HYAL4: variants seen among roughly 807,000 people sequenced by gnomAD.
The protein encoded by HYAL4 is hyaluronidase-4.
In HYAL4, 37 loss-of-function variants were observed where a neutral mutation model predicts 35.2. That is an observed-to-expected ratio of 1.05 (90% CI 0.81 to 1.38). The LOEUF is 1.38. Among genes scored for constraint, HYAL4 ranks in the 40% most tolerant of loss-of-function variants. The pLI, the probability that HYAL4 is intolerant of heterozygous loss-of-function variation, is 0.00. For synonymous variants in HYAL4, 198 were observed against 203.2 expected, an observed-to-expected ratio of 0.97 and a Z score of 0.22; for missense variants, 572 against 572.4, an observed-to-expected ratio of 1.00 and a Z score of 0.01.
the HYAL4 span, among the ~76,000 whole-genome samples, chr7:123,809,393 C>CTTCT: frequency 1.5e-5 from 2 of 129,576 alleles, no homozygotes; most frequent in Non-Finnish European, 3.4e-5. Context: ...TTTTCTTCTT[C>CTTCT]TTTTTTTTTT....
chr7:123,810,677 C>A, the HYAL4 span, among the ~76,000 whole-genome samples: 2 of 152,154 alleles, frequency 1.3e-5, no homozygotes, highest in African/African-American at 2.4e-5. Context: ...TTCTTATTAT[C>A]CAATGCCTAT....
At chr7:123,769,734 G>A in the HYAL4 span, among the ~76,000 whole-genome samples, 1 of 151,626 alleles carries the variant, frequency 6.6e-6, no homozygotes, top group Non-Finnish European at 1.5e-5. Flanking sequence ...TGCAAACATC[G>A]GTCTGCTCTA....
At chr7:123,838,115 A>C (rs1480872307) in intron 1 of HYAL4, among the ~76,000 whole-genome samples, 1 of 152,086 alleles carries the variant, frequency 6.6e-6, no homozygotes, top group Non-Finnish European at 1.5e-5. Context: ...CAATGGTTGA[A>C]CTAGTTTACA....
chr7:123,866,041 T>G (rs1034911362), intron 2 of HYAL4, among the ~76,000 whole-genome samples: 1 of 152,166 alleles, frequency 6.6e-6, no homozygotes, highest in Non-Finnish European at 1.5e-5. Flanking sequence ...ATCTCGCCCT[T>G]GTGATACAAT....
chr7:123,778,159 G>GTCTGTCTGTCTATCTATCTA, the HYAL4 span, among the ~76,000 whole-genome samples: 2 of 120,824 alleles, frequency 1.7e-5, no homozygotes, highest in African/African-American at 5.5e-5. Flanking sequence ...CTGTCTGTCT[G>GTCTGTCTGTCTATCTATCTA]TCTATCTATC....
upstream of HYAL4, among the ~76,000 whole-genome samples, chr7:123,841,423 C>A (rs1171137225): frequency 6.6e-6 from 1 of 152,030 alleles, no homozygotes; most frequent in Non-Finnish European, 1.5e-5. Flanking sequence ...CATCAATTTT[C>A]ATCAGGGATA....
chr7:123,794,475 C>T, the HYAL4 span, among the ~76,000 whole-genome samples: 3 of 152,164 alleles, frequency 2.0e-5, no homozygotes. Context: ...AAATTGTTTC[C>T]TGGGCCAGGC....
Position 123,877,036 on chromosome 7 carries a change from G to A in HYAL4, c.1327G>A (p.Gly443Arg), listed in dbSNP as rs1209361960. The A allele has an allele frequency of 1.9e-6, 3 of 1,614,202 alleles. No individual in the cohort carries two copies. Among genetic ancestry groups the A allele is most frequent in the Non-Finnish European group, 2.5e-6 (3 of 1,180,024 alleles). The stretch of plus-strand genomic sequence containing the variant: ...CTGTCATTGTTATCAGGGATATGAA[G>A]GAGCTGATTGCAGAGAAATAAAGAC... ...FSCHCYQGYEGADCREIKTAD... is the reference protein window; with the variant it reads ...FSCHCYQGYERADCREIKTAD... Residue 443 changes from glycine to arginine, a missense_variant, in exon 5 of 5, where the codon GGA becomes AGA. Coordinates refer to ENST00000223026, the MANE Select transcript of HYAL4 (RefSeq NM_012269.3).
At chr7:123,813,120 TTAAA>T in the HYAL4 span, among the ~76,000 whole-genome samples, 5 of 152,082 alleles carry the variant, frequency 3.3e-5, no homozygotes, top group Non-Finnish European at 7.4e-5. Flanking sequence ...ATTTAGTACG[TTAAA>T]TAAAGACACC....
the HYAL4 span, among the ~76,000 whole-genome samples, chr7:123,766,737 A>G: frequency 6.6e-6 from 1 of 152,198 alleles, no homozygotes. Context: ...GCCTGCAGAG[A>G]ATAAATGGGT....
At chr7:123,777,729 G>A in the HYAL4 span, among the ~76,000 whole-genome samples, 32 of 152,024 alleles carry the variant, frequency 2.1e-4, no homozygotes, top group African/African-American at 7.2e-4. Flanking sequence ...CTTTTAGATG[G>A]TGTCCTAGAT....
In HYAL4 at chr7:123,869,212, A is replaced by G. The variant is rs1563004136; in HGVS notation, c.939A>G (p.Leu313=). Residue 313 remains leucine (L), a synonymous_variant, in exon 3 of 5, where the codon TTA becomes TTG. Transcript: ENST00000223026. ...YTRLGYRDEP[L]FFLSKQDLVS... is the part of the protein sequence containing the mutation. ...GGCTAGGGTACAGAGATGAACCTTT[A>G]TTTTTCCTTTCTAAGGTAAGAAGCT... is the stretch of plus-strand genomic sequence containing the variant. 1 of 1,595,680 alleles carries G rather than the reference A, an allele frequency of 6.3e-7. No individual in the cohort carries two copies. The highest frequency in any genetic ancestry group is 1.3e-5 in the African/African-American group (1 of 74,226).
the HYAL4 span, among the ~76,000 whole-genome samples, chr7:123,804,492 T>G: frequency 2.6e-5 from 4 of 152,210 alleles, no homozygotes; most frequent in African/African-American, 9.7e-5. Context: ...TGTCTATCTT[T>G]TTCTGTATTT....
At chr7:123,874,490 G>A (rs376239909) in intron 3 of HYAL4, among the ~76,000 whole-genome samples, 1 of 151,920 alleles carries the variant, frequency 6.6e-6, no homozygotes, top group Admixed American at 6.6e-5. Flanking sequence ...TGCAACCTCC[G>A]TCTCCTGGGT....
chr7:123,767,444 T>C, the HYAL4 span, among the ~76,000 whole-genome samples: 3 of 152,226 alleles, frequency 2.0e-5, no homozygotes, highest in African/African-American at 7.2e-5. Context: ...TCTCAGTCTT[T>C]TATTCTTCAT....
chr7:123,773,578 G>T, the HYAL4 span, among the ~76,000 whole-genome samples: 2 of 152,106 alleles, frequency 1.3e-5, no homozygotes, highest in Admixed American at 6.5e-5. Context: ...TTTACATAAT[G>T]TATATTTTTT....
At chr7:123,875,218 A>G (rs1326975203) in intron 4 of HYAL4, among the ~76,000 whole-genome samples, 1 of 152,228 alleles carries the variant, frequency 6.6e-6, no homozygotes, top group Non-Finnish European at 1.5e-5. Flanking sequence ...GGCATTAGCC[A>G]CAGTTTGATG....
upstream of HYAL4, among the ~76,000 whole-genome samples, chr7:123,828,380 C>T (rs922535889): frequency 3.3e-5 from 5 of 149,674 alleles, no homozygotes; most frequent in Non-Finnish European, 4.5e-5. Context: ...ATTATATATA[C>T]GTAAATGTTT....
In HYAL4 at chr7:123,869,038, T is replaced by C; in HGVS notation, c.765T>C (p.Ser255=). ...NNELSWLWNS[S]AALYPSIGVW... The stretch of plus-strand genomic sequence containing the variant: ...AGCTCTCTTGGCTCTGGAACAGCAG[T>C]GCTGCTTTATATCCTTCTATCGGTG... The change falls in exon 3 of 5, where the codon AGT becomes AGC. Residue 255 remains serine, a synonymous_variant. Coordinates refer to ENST00000223026, the MANE Select transcript of HYAL4 (RefSeq NM_012269.3). 2 of 1,614,176 alleles carry C rather than the reference T, an allele frequency of 1.2e-6. No individual in the cohort carries two copies. Among genetic ancestry groups the C allele is most frequent in the Non-Finnish European group, 1.7e-6 (2 of 1,180,014 alleles).
Sources: gnomAD v4.1 joint callset for allele counts (sites outside exome capture counted in the v4.1 genomes callset) on GRCh38, gnomAD v4.1.1 for gene constraint, MANE v1.5 for transcripts, NCBI Gene and HGNC (gene_info 2026-07-23, HGNC 2026-07-21) for gene names.